DTX2: variants seen among roughly 807,000 people sequenced by gnomAD.
DTX2 encodes the protein probable E3 ubiquitin-protein ligase DTX2.
In DTX2, 29 loss-of-function variants were observed where a neutral mutation model predicts 55.3. That is an observed-to-expected ratio of 0.52 (90% confidence interval 0.39 to 0.71). DTX2 has a LOEUF of 0.71. DTX2 is among the 30% of genes least tolerant of loss of function. DTX2 has a pLI of 0.00. For missense variants in DTX2, 537 were observed against 822.5 expected (o/e 0.65, Z 4.25); for synonymous variants, 276 against 340.4 (o/e 0.81, Z 2.08).
intron 2 of DTX2, among the ~76,000 whole-genome samples, chr7:76,468,987 A>C: frequency 4.6e-5 from 5 of 109,792 alleles, no homozygotes; most frequent in Non-Finnish European, 7.7e-5. Context: ...CTGGTCTCAA[A>C]CTCCTGGCCT....
intron 8 of DTX2, 194 bp from the exon 9 acceptor site, chr7:76,503,232 G>A (rs144058012): frequency 1.6e-5 from 10 of 630,732 alleles, no homozygotes; most frequent in Admixed American, 3.0e-5. Flanking sequence ...TAACGAAAAT[G>A]GCATGAGTTG....
chr7:76,498,583 C>T (rs1259816806), intron 6 of DTX2, among the ~76,000 whole-genome samples: 1 of 106,592 alleles, frequency 9.4e-6, no homozygotes. Context: ...GGGTGGGATG[C>T]TGTGCCCGGC....
At chr7:76,481,056 C>T (rs1258242478) in intron 3 of DTX2, among the ~76,000 whole-genome samples, 1 of 152,258 alleles carries the variant, frequency 6.6e-6, no homozygotes, top group African/African-American at 2.4e-5. Context: ...GCCGGCAGGC[C>T]GGCATGGAGG....
Position 76,482,836 on chromosome 7 carries a change from C to T in DTX2, c.597C>T (p.His199=), listed in dbSNP as rs1184081816. ...ACACAGGCGTCGCCTGCTCTTGCCA[C>T]CAGTGCCTCAGTGGCAGCAGAACTG... ...PGHTGVACSC[H]QCLSGSRTGP... The change falls in exon 4 of 11, where the codon CAC becomes CAT. Residue 199 remains histidine (H), a synonymous_variant. Transcript: ENST00000430490. The T allele has an allele frequency of 6.2e-7, 1 of 1,613,672 alleles. No individual in the cohort carries two copies. Among genetic ancestry groups the T allele is most frequent in the Non-Finnish European group, 8.5e-7 (1 of 1,179,722 alleles).
At chr7:76,501,652 T>G (rs1811698989) in intron 7 of DTX2, among the ~76,000 whole-genome samples, 1 of 151,584 alleles carries the variant, frequency 6.6e-6, no homozygotes, top group Admixed American at 6.6e-5. Context: ...GCCCATGAGC[T>G]GGCTCCTCGT....
chr7:76,482,472 C>T, intron 3 of DTX2, 36 bp from the exon 4 acceptor site: 1 of 1,539,212 alleles, frequency 6.5e-7, no homozygotes. Flanking sequence ...CTTGGGGATG[C>T]TAGCAGACTA....
intron 7 of DTX2, among the ~76,000 whole-genome samples, chr7:76,500,909 G>A (rs1309596925): frequency 2.0e-5 from 3 of 152,120 alleles, no homozygotes; most frequent in African/African-American, 4.8e-5. Context: ...TGGGAGAGCT[G>A]GTCAAGGTTC....
intron 9 of DTX2, 46 bp downstream of exon 9, chr7:76,503,633 C>T (rs1294428173): frequency 6.6e-7 from 1 of 1,515,284 alleles, no homozygotes; most frequent in East Asian, 2.3e-5. Context: ...CTCCTCTTCC[C>T]ACCCCGCCCA....
Position 76,505,753 on chromosome 7 carries a change from C to G in DTX2, c.*152C>G, listed in dbSNP as rs1563763313. 14 of 769,530 alleles carry G rather than the reference C, an allele frequency of 1.8e-5. No homozygotes were observed. Among genetic ancestry groups the G allele is most frequent in the Non-Finnish European group, 2.9e-5 (14 of 478,198 alleles). The allele number at this position is 769,530 out of a possible 1,614,324, so 47.7% of individuals were successfully genotyped here. A position where few individuals can be genotyped will look rare whatever the true frequency, so the allele number is the denominator to read the frequency against. ...CTGAAGCCGGGGCTCCCCCTGCCTG[C>G]CTCTCTCTCCTCCTCCCCTCTGGGA... On this transcript the variant is annotated 3_prime_UTR_variant, in exon 11 of 11. Transcript: ENST00000430490. The surrounding 1 kb of genome is among the most constrained non-coding windows in gnomAD (Gnocchi z 4.4).
chr7:76,479,697 C>T (rs965759629), intron 2 of DTX2, among the ~76,000 whole-genome samples: 1 of 151,294 alleles, frequency 6.6e-6, no homozygotes, highest in East Asian at 2.0e-4. Context: ...AGGAGAATCA[C>T]TTGAACCTAC....
Position 76,505,539 on chromosome 7 carries a change from C to T in DTX2, c.1807C>T (p.Gln603Ter). The change falls in exon 11 of 11, where the codon CAG (glutamine) becomes TAG (stop). Residue 603 changes from glutamine to a stop codon, truncating the protein, a stop_gained. Coordinates refer to ENST00000430490, the MANE Select transcript of DTX2 (RefSeq NM_001102594.3). LOFTEE classifies it high-confidence loss of function. This position sits in a 1 kb window ranked among gnomAD's most constrained non-coding sequence, Gnocchi z 4.4. Reference sequence around the variant, plus strand: ...CGGCTATCCCGACCCCAACTACCTGCAGAACGTGCTGGCTGAGCTGGCTGC... The same window carrying T: ...CGGCTATCCCGACCCCAACTACCTGTAGAACGTGCTGGCTGAGCTGGCTGC... ...GHGYPDPNYL[Q>*]NVLAELAAQG... is the part of the protein sequence containing the mutation. The T allele has an allele frequency of 1.2e-6, 2 of 1,608,486 alleles. No homozygotes were observed. The highest frequency in any genetic ancestry group is 1.7e-6 in the Non-Finnish European group (2 of 1,177,910).
At chr7:76,479,642 G>A (rs1346944322) in intron 2 of DTX2, among the ~76,000 whole-genome samples, 1 of 146,252 alleles carries the variant, frequency 6.8e-6, no homozygotes, top group Middle Eastern at 3.2e-3. Flanking sequence ...TTAGCTGGGC[G>A]CAGTGGTGCA....
At position 76,480,700 on chromosome 7, in the gene DTX2, C is replaced by A. The variant is rs758610020; in HGVS notation, c.191C>A (p.Pro64His). 2.5e-6 allele frequency: 4 copies of A among 1,613,600 alleles called. No homozygotes were observed. In the African/African-American group the frequency reaches 5.3e-5, roughly 22 times the overall value. Residue 64 changes from proline (P) to histidine (H), a missense_variant, in exon 3 of 11, where the codon CCC becomes CAC. Physicochemically the swap from Pro to His is moderately conservative, Grantham distance 77 (BLOSUM62 -2). Coordinates refer to ENST00000430490, the MANE Select transcript of DTX2 (RefSeq NM_001102594.3). ...FGLGSLAHSIPLGQADPSLAP... is the reference protein window; with the variant it reads ...FGLGSLAHSIHLGQADPSLAP... ...CTTGGGAGCCTGGCCCACAGCATCC[C>A]CTTGGGCCAGGCAGACCCCTCGCTG...
At chr7:76,479,866 A>G (rs972023665) in intron 2 of DTX2, among the ~76,000 whole-genome samples, 2 of 150,250 alleles carry the variant, frequency 1.3e-5, no homozygotes, top group African/African-American at 2.5e-5. Context: ...GCTGGTGACT[A>G]GCACCCGGAA....
At chr7:76,498,730 G>A (rs1325742091) in intron 6 of DTX2, among the ~76,000 whole-genome samples, 5 of 96,198 alleles carry the variant, frequency 5.2e-5, no homozygotes, top group Admixed American at 4.5e-4. Context: ...CCTGAGCTGG[G>A]GGCCATCGTT....
intron 4 of DTX2, 111 bp downstream of exon 4, chr7:76,483,258 C>T (rs552061839): frequency 7.7e-5 from 100 of 1,304,046 alleles, no homozygotes; most frequent in Admixed American, 3.9e-4. Flanking sequence ...GTGGTCCTGC[C>T]GTGGCATCTC....
chr7:76,505,255 G>T lies in DTX2; in HGVS notation c.1642-119G>T. ...CAGATGGGGTGAGTGCCAGGGAGTG[G>T]ATGAGTCACCTGGGAGGGGCTGGGA... is the stretch of plus-strand genomic sequence containing the variant. On this transcript the variant is annotated intron_variant, in intron 10 of 10. Transcript: ENST00000430490. This position sits in a 1 kb window ranked among gnomAD's most constrained non-coding sequence, Gnocchi z 4.4. The T allele has an allele frequency of 1.2e-6, 1 of 831,634 alleles. No individual in the cohort carries two copies. The highest frequency in any genetic ancestry group is 1.9e-6 in the Non-Finnish European group (1 of 522,696). The allele number at this position is 831,634 out of a possible 1,614,324, so 51.5% of individuals were successfully genotyped here.
intron 6 of DTX2, among the ~76,000 whole-genome samples, chr7:76,498,751 G>T (rs531186811): frequency 8.2e-6 from 1 of 122,340 alleles, no homozygotes; most frequent in Non-Finnish European, 1.6e-5. Context: ...CTGGTCTGGC[G>T]TTCTCGCCAC....
Position 76,480,638 on chromosome 7 carries a change from G to C in DTX2, c.129G>C (p.Glu43Asp). The change falls in exon 3 of 11, where the codon GAG (glutamate) becomes GAC (aspartate). Residue 43 changes from glutamate (E) to aspartate (D), a missense_variant. By Grantham distance (45) the Glu-to-Asp change is conservative. Transcript: ENST00000430490. The stretch of plus-strand genomic sequence containing the variant: ...GTGCCACCGTCTGCAGCTTCATCGA[G>C]CAGCAGTTTGTCCAGCAGAAGGGCC... ...PYSATVCSFI[E>D]QQFVQQKGQR... is the part of the protein sequence containing the mutation. 4.3e-6 allele frequency: 7 copies of C among 1,613,646 alleles called. No individual in the cohort carries two copies. Among genetic ancestry groups the C allele is most frequent in the Non-Finnish European group, 5.9e-6 (7 of 1,179,908 alleles).
Sources: gnomAD v4.1 joint callset for allele counts (sites outside exome capture counted in the v4.1 genomes callset) on GRCh38, gnomAD v4.1.1 for gene constraint, Gnocchi (gnomAD v3.1) non-coding constraint, MANE v1.5 for transcripts, NCBI Gene and HGNC (gene_info 2026-07-23, HGNC 2026-07-21) for gene names.